Variants in MAP3K19 observed in about 807,000 individuals in gnomAD.
MAP3K19 encodes SPS1/STE20-related protein kinase YSK4.
A neutral mutation model predicts 114.4 loss-of-function variants in MAP3K19; 91 were observed. The ratio of observed to expected loss-of-function variants is 0.80; its 90% CI spans 0.67 to 0.95. The LOEUF is 0.95. MAP3K19 is among the 40% of genes least tolerant of loss of function. The pLI, the probability that MAP3K19 is intolerant of heterozygous loss-of-function variation, is 0.00. For missense variants in MAP3K19, 1,471 were observed against 1,573.2 expected (o/e 0.94, Z 1.10); for synonymous variants, 518 against 530.5 (o/e 0.98, Z 0.32).
rs183106089 is a variant in MAP3K19, at chr2:134,988,805, T to G, written c.619-552A>C. ...GATGTAAATATTCATGGTTATATAT[T>G]TTTAAATGAAGGCCCTATAATGTAA... On this transcript the variant is annotated intron_variant, in intron 9 of 12. Transcript: ENST00000392915. Among the ~76,000 whole-genome samples the G allele has an allele frequency of 6.7e-3, 1,022 of 152,328 alleles. 7 individuals carry two copies. Among genetic ancestry groups the G allele is most frequent in the Non-Finnish European group, 9.4e-3 (641 of 68,032 alleles).
At chr2:135,011,536 C>CAAAAA (rs61361416) in intron 5 of MAP3K19, among the ~76,000 whole-genome samples, 1,077 of 79,184 alleles carry the variant, frequency 0.014, 53 homozygotes, top group African/African-American at 0.044. Context: ...GACTCTGTCT[C>CAAAAA]AAAAAAAAAA....
intron 5 of MAP3K19, among the ~76,000 whole-genome samples, chr2:135,011,538 A>C (rs1687233489): frequency 1.4e-5 from 2 of 146,942 alleles, no homozygotes; most frequent in African/African-American, 5.0e-5. Context: ...CTCTGTCTCA[A>C]AAAAAAAAAA....
chr2:135,025,299 A>G (rs113839595), intron 3 of MAP3K19, among the ~76,000 whole-genome samples: 1 of 145,574 alleles, frequency 6.9e-6, no homozygotes, highest in Admixed American at 7.0e-5. Context: ...TGATACTTTT[A>G]TTTCATGGTC....
At chr2:134,983,960 T>C (rs1465088810) in intron 10 of MAP3K19, 135 bp from the exon 11 acceptor site, 3 of 579,078 alleles carry the variant, frequency 5.2e-6, no homozygotes, top group Non-Finnish European at 9.0e-6. Flanking sequence ...TAGAGACACA[T>C]CATTCCCCCA....
chr2:134,992,943 T>G (rs1230780012), intron 8 of MAP3K19, among the ~76,000 whole-genome samples: 1 of 152,160 alleles, frequency 6.6e-6, no homozygotes, highest in Non-Finnish European at 1.5e-5. Context: ...CCTCCCAAAG[T>G]GCTGGGATTA....
chr2:135,010,105 C>T (rs1457546871), intron 5 of MAP3K19, among the ~76,000 whole-genome samples: 1 of 143,166 alleles, frequency 7.0e-6, no homozygotes, highest in Non-Finnish European at 1.5e-5. Context: ...CAACAAGAAC[C>T]AGAAAAAAAA....
At chr2:135,039,809 A>G (rs1688611263) in intron 2 of MAP3K19, among the ~76,000 whole-genome samples, 2 of 152,202 alleles carry the variant, frequency 1.3e-5, no homozygotes. Context: ...ACACAATGAT[A>G]TAACTGATGA....
chr2:135,004,178 A>C (rs1397562584), intron 6 of MAP3K19, among the ~76,000 whole-genome samples: 1 of 152,220 alleles, frequency 6.6e-6, no homozygotes, highest in Admixed American at 6.5e-5. Context: ...GAGCAGAATA[A>C]ATGAAATATT....
At position 134,988,038 on chromosome 2, in the gene MAP3K19, C is replaced by T; in HGVS notation, c.834G>A (p.Arg278=). 6.2e-7 allele frequency: 1 copy of T among 1,613,872 alleles called. No individual in the cohort carries two copies. The highest frequency in any genetic ancestry group is 8.5e-7 in the Non-Finnish European group (1 of 1,179,888). The change falls in exon 10 of 13, where the codon AGG becomes AGA. Residue 278 remains arginine, a synonymous_variant. Coordinates refer to ENST00000392915, the MANE Select transcript of MAP3K19 (RefSeq NM_025052.5). ...TTGACCAAATGAAGCCATCAGAAGA[C>T]CTGAGAGTCGGATCCATCAACGACT... The part of the protein sequence containing the change: ...LVKSLMDPTL[R]SSDGFIWSRN...
chr2:134,995,948 G>C (rs1324041849), intron 8 of MAP3K19, among the ~76,000 whole-genome samples: 1 of 138,010 alleles, frequency 7.2e-6, no homozygotes, highest in Admixed American at 7.2e-5. Context: ...TGTACTAGCT[G>C]TACTTTTTTT....
intron 5 of MAP3K19, among the ~76,000 whole-genome samples, chr2:135,013,882 T>A (rs1448922927): frequency 6.6e-6 from 1 of 152,162 alleles, no homozygotes; most frequent in African/African-American, 2.4e-5. Context: ...ATCCTCTGAG[T>A]CACAGATCCT....
intron 2 of MAP3K19, among the ~76,000 whole-genome samples, chr2:135,031,063 T>G (rs1688368679): frequency 6.6e-6 from 1 of 151,906 alleles, no homozygotes; most frequent in Non-Finnish European, 1.5e-5. Context: ...AGTTGCATGT[T>G]AAGAACTGTC....
chr2:134,987,136 A>G lies in MAP3K19; in HGVS notation c.1736T>C (p.Leu579Pro). 6.2e-7 allele frequency: 1 copy of G among 1,614,120 alleles called. No individual in the cohort carries two copies. Among genetic ancestry groups the G allele is most frequent in the Non-Finnish European group, 8.5e-7 (1 of 1,180,048 alleles). Residue 579 changes from leucine to proline, a missense_variant, in exon 10 of 13, where the codon CTT becomes CCT. Leu to Pro is a moderately conservative substitution (Grantham distance 98). Transcript: ENST00000392915. ...CAATTGCCAAGGCCTGGGGTCCACA[A>G]GTCCCAAAGCCGGGAAAATTTGTGT... ...IKTQIFPALG[L>P]VDPRPWQLPR...
At chr2:135,011,513 G>A (rs1462907888) in intron 5 of MAP3K19, among the ~76,000 whole-genome samples, 3 of 145,404 alleles carry the variant, frequency 2.1e-5, no homozygotes, top group Non-Finnish European at 4.5e-5. Flanking sequence ...CTCCAGCCTG[G>A]GCGACAGAGC....
chr2:134,990,195 C>T (rs972253724), intron 9 of MAP3K19, among the ~76,000 whole-genome samples: 6 of 152,140 alleles, frequency 3.9e-5, no homozygotes, highest in Non-Finnish European at 7.3e-5. Context: ...CGATTTGCTA[C>T]TCTAGGAACT....
At chr2:135,002,231 A>G (rs1308380778) in intron 6 of MAP3K19, among the ~76,000 whole-genome samples, 2 of 152,240 alleles carry the variant, frequency 1.3e-5, no homozygotes, top group African/African-American at 4.8e-5. Context: ...AGCCACGAAT[A>G]TATTTTCTTT....
At chr2:135,027,383 A>AAAAAGAAAGAAAG (rs200588187) in intron 3 of MAP3K19, among the ~76,000 whole-genome samples, 4 of 151,208 alleles carry the variant, frequency 2.6e-5, no homozygotes, top group Non-Finnish European at 5.9e-5. Flanking sequence ...GAAAGAAAGA[A>AAAAAGAAAGAAAG]AAAAGAAAGA....
intron 12 of MAP3K19, among the ~76,000 whole-genome samples, chr2:134,965,221 T>G (rs1020778302): frequency 3.3e-5 from 5 of 152,242 alleles, no homozygotes; most frequent in Non-Finnish European, 7.3e-5. Context: ...GATTGAAAAC[T>G]AGGCCCTACT....
intron 8 of MAP3K19, among the ~76,000 whole-genome samples, chr2:134,998,436 T>A (rs980522474): frequency 1.3e-5 from 2 of 152,180 alleles, no homozygotes; most frequent in African/African-American, 2.4e-5. Flanking sequence ...AGCAATGAAA[T>A]AATCTAAACA....
Sources: gnomAD v4.1 joint callset for allele counts (sites outside exome capture counted in the v4.1 genomes callset) on GRCh38, gnomAD v4.1.1 for gene constraint, MANE v1.5 for transcripts, NCBI Gene and HGNC (gene_info 2026-07-23, HGNC 2026-07-21) for gene names.